The following LRRC37B variants were observed in gnomAD, a reference collection of about 807,000 sequenced individuals.
LRRC37B encodes leucine-rich repeat-containing protein 37B.
A neutral mutation model predicts 98.3 loss-of-function variants in LRRC37B; 28 were observed. That is an observed-to-expected ratio of 0.28 (90% CI 0.21 to 0.39). The LOEUF is 0.39. Ranked by LOEUF, LRRC37B falls within the 10% of genes least tolerant of loss-of-function variation. The probability of loss-of-function intolerance (pLI) is 1.00; values close to 1 mark genes in which losing one functional copy is unlikely to be tolerated. For synonymous variants in LRRC37B, 364 were observed against 442.7 expected, an observed-to-expected ratio of 0.82 and a Z score of 2.23; for missense variants, 938 against 1,182.7, an observed-to-expected ratio of 0.79 and a Z score of 3.03.
intron 5 of LRRC37B, 54 bp downstream of exon 8, chr17:32,031,512 A>G: frequency 1.2e-6 from 1 of 807,000 alleles, no homozygotes; most frequent in East Asian, 3.1e-5. Context: ...ATAAAAACTC[A>G]TACAATTATT....
intron 1 of LRRC37B, among the ~76,000 whole-genome samples, chr17:32,023,067 C>A (rs1910847993): frequency 1.3e-5 from 2 of 152,116 alleles, no homozygotes; most frequent in South Asian, 4.1e-4. Context: ...TTCTTATTTA[C>A]CCCATCACAT....
intron 1 of LRRC37B, among the ~76,000 whole-genome samples, chr17:32,011,607 C>A (rs200824964): frequency 2.0e-5 from 3 of 152,262 alleles, no homozygotes; most frequent in East Asian, 1.9e-4. Context: ...AAATGATTCT[C>A]GTGCCTCAGC....
At chr17:32,053,349 A>G (rs753444086) in exon 12 of LRRC37B, 2 of 1,588,134 alleles carry the variant, frequency 1.3e-6, no homozygotes, top group Admixed American at 3.7e-5. Flanking sequence ...AAGCATGTGG[A>G]TGGCCTGGAG....
upstream of LRRC37B, among the ~76,000 whole-genome samples, chr17:32,020,145 C>T (rs1278064234): frequency 6.6e-6 from 1 of 152,110 alleles, no homozygotes; most frequent in East Asian, 1.9e-4. Context: ...TGCACAGCCC[C>T]CCTTCAATTT....
intron 5 of LRRC37B, among the ~76,000 whole-genome samples, chr17:32,031,662 G>C (rs561049111): frequency 1.7e-3 from 252 of 151,854 alleles, no homozygotes; most frequent in African/African-American, 5.5e-3. Flanking sequence ...GCTTGTCCTA[G>C]TTCTGACCTA....
At chr17:32,027,534 T>G (rs1237399234) in intron 2 of LRRC37B, among the ~76,000 whole-genome samples, 1 of 151,514 alleles carries the variant, frequency 6.6e-6, no homozygotes, top group African/African-American at 2.4e-5. Context: ...TGCTTGTGTG[T>G]GTGTGTGTGC....
chr17:32,014,169 G>A (rs1204643004), intron 1 of LRRC37B, among the ~76,000 whole-genome samples: 1 of 152,078 alleles, frequency 6.6e-6, no homozygotes, highest in Non-Finnish European at 1.5e-5. Flanking sequence ...AAAAAGAAAG[G>A]AGTTACAAAA....
upstream of LRRC37B, chr17:32,017,907 CATT>C (rs140732214): frequency 6.0e-6 from 1 of 167,798 alleles, no homozygotes; most frequent in East Asian, 1.6e-4. Context: ...GGGGTGCTAC[CATT>C]ATATTCAGGA....
At chr17:32,036,976 ATTTT>A (rs71360793) in intron 7 of LRRC37B, among the ~76,000 whole-genome samples, 2 of 51,700 alleles carry the variant, frequency 3.9e-5, no homozygotes, top group African/African-American at 1.5e-4. Context: ...CATCTTCAGC[ATTTT>A]TTTTTTTTTT....
intron 7 of LRRC37B, among the ~76,000 whole-genome samples, chr17:32,044,643 G>A (rs1342326808): frequency 4.6e-5 from 7 of 152,088 alleles, no homozygotes; most frequent in Non-Finnish European, 1.0e-4. Flanking sequence ...ACTTTGGAAG[G>A]CCGAGATGGG....
At chr17:32,031,429 C>G in exon 5 of LRRC37B, 1 of 1,609,424 alleles carries the variant, frequency 6.2e-7, no homozygotes, top group Non-Finnish European at 8.5e-7. Flanking sequence ...CATTTCAGGC[C>G]TGGCACGGAA....
Position 32,038,382 on chromosome 17 carries a change from C to T in LRRC37B, c.2204+2743C>T, listed in dbSNP as rs1911312928. 2.0e-5 allele frequency among the ~76,000 whole-genome samples: 3 copies of T among 152,038 alleles called. No individual in the cohort carries two copies. In the South Asian group the frequency reaches 6.2e-4, roughly 32 times the overall value. On this transcript the variant is annotated intron_variant, in intron 7 of 11. Transcript: ENST00000327564. ...GCTGAGGTGGGAGGATTGCTTGAGCCTGGGAGGTCGAGGCTCTGCAGTGAG... is the reference window on the plus strand; with the variant it reads ...GCTGAGGTGGGAGGATTGCTTGAGCTTGGGAGGTCGAGGCTCTGCAGTGAG...
chr17:32,053,087 A>C, intron 11 of LRRC37B, 179 bp from the exon 15 acceptor site: 1 of 612,534 alleles, frequency 1.6e-6, no homozygotes, highest in South Asian at 2.0e-5. Context: ...TCTGCAAGGT[A>C]GCAAGGATGA....
At chr17:32,039,127 T>C (rs1258777209) in intron 7 of LRRC37B, among the ~76,000 whole-genome samples, 1 of 152,014 alleles carries the variant, frequency 6.6e-6, no homozygotes, top group Non-Finnish European at 1.5e-5. Context: ...TATTGTTTTT[T>C]TGTTTTTTTG....
At chr17:32,017,080 T>C (rs1910660264), upstream of LRRC37B, 1 of 152,210 alleles carries the variant, frequency 6.6e-6, no homozygotes, top group African/African-American at 2.4e-5. Context: ...TGTTTACCTC[T>C]CCCTCTTATG....
At chr17:32,034,361 G>C (rs1911183670) in intron 5 of LRRC37B, among the ~76,000 whole-genome samples, 1 of 151,888 alleles carries the variant, frequency 6.6e-6, no homozygotes, top group Non-Finnish European at 1.5e-5. Context: ...AATTAGCTGG[G>C]CGTGGTGGTG....
chr17:32,016,437 G>A (rs892638646), upstream of LRRC37B, among the ~76,000 whole-genome samples: 2 of 152,180 alleles, frequency 1.3e-5, no homozygotes, highest in Non-Finnish European at 2.9e-5. Flanking sequence ...ATTAATGTCC[G>A]TGGTTAAGCT....
chr17:32,025,034 T>TTTG (rs1421173711), intron 2 of LRRC37B, among the ~76,000 whole-genome samples: 7 of 119,952 alleles, frequency 5.8e-5, no homozygotes, highest in African/African-American at 2.0e-4. Context: ...TTCCTCGTTT[T>TTTG]TTTTTTTTTT....
At chr17:32,021,647 G>C (rs1370199334) in exon 1 of LRRC37B, 1 of 1,614,214 alleles carries the variant, frequency 6.2e-7, no homozygotes, top group African/African-American at 1.3e-5. Context: ...CAGGTCATCA[G>C]GCAGATGAAA....
Sources: gnomAD v4.1 joint callset for allele counts (sites outside exome capture counted in the v4.1 genomes callset) on GRCh38, gnomAD v4.1.1 for gene constraint, MANE v1.5 for transcripts, NCBI Gene and HGNC (gene_info 2026-07-23, HGNC 2026-07-21) for gene names.